ZBBX: variants seen among roughly 807,000 people sequenced by gnomAD.
ZBBX encodes zinc finger B-box domain containing.
In ZBBX, 101 loss-of-function variants were observed where a neutral mutation model predicts 108.5. The observed-to-expected ratio is 0.93, with a 90% CI of 0.79 to 1.10. ZBBX has a LOEUF of 1.10. Ranked by LOEUF, ZBBX falls within the 50% of genes least tolerant of loss-of-function variation. ZBBX has a pLI of 0.00. For synonymous variants in ZBBX, 356 were observed against 323.4 expected (o/e 1.10, Z -1.08); for missense variants, 1,009 against 941.4 (o/e 1.07, Z -0.94).
rs748896999 is a variant in ZBBX at position 167,282,325 on chromosome 3, G to A, written c.2167C>T (p.Gln723Ter). ...SEIEYIDITD[Q>*]NELSLDDTTD... ...GTGTCATCTAAGGAAAGCTCATTCT[G>A]GTCAGTAATATCAATATATTCAATT... is the stretch of plus-strand genomic sequence containing the variant. The change falls in exon 20 of 22, where the codon CAG becomes TAG. Residue 723 changes from glutamine to a stop codon, truncating the protein, a stop_gained. Transcript: ENST00000675490. LOFTEE classifies it high-confidence loss of function. The A allele has an allele frequency of 6.2e-7, 1 of 1,613,846 alleles. No individual in the cohort carries two copies. Among genetic ancestry groups the A allele is most frequent in the South Asian group, 1.1e-5 (1 of 91,068 alleles).
At chr3:167,273,962 T>A (rs1375979482) in intron 20 of ZBBX, among the ~76,000 whole-genome samples, 2 of 152,188 alleles carry the variant, frequency 1.3e-5, no homozygotes, top group Admixed American at 1.3e-4. Context: ...TAATCAGCAA[T>A]GATTTATTAA....
chr3:167,242,710 C>T (rs1020759360), intron 20 of ZBBX, 67 bp from the exon 21 acceptor site: 3 of 1,406,870 alleles, frequency 2.1e-6, no homozygotes, highest in African/African-American at 2.9e-5. Flanking sequence ...GCATATGGTG[C>T]TGAATGTTTA....
chr3:167,339,432 A>C (rs1397002259), intron 9 of ZBBX, among the ~76,000 whole-genome samples: 46 of 152,192 alleles, frequency 3.0e-4, no homozygotes. Flanking sequence ...TTTGGTAAAA[A>C]TAATCTCTCT....
At chr3:167,231,840 T>G in the ZBBX span, among the ~76,000 whole-genome samples, 1 of 151,834 alleles carries the variant, frequency 6.6e-6, no homozygotes, top group Admixed American at 6.6e-5. Flanking sequence ...CTTTGTACAG[T>G]TGGAATTCCA....
chr3:167,367,455 C>T (rs766363050), intron 5 of ZBBX, among the ~76,000 whole-genome samples: 3 of 151,548 alleles, frequency 2.0e-5, no homozygotes, highest in Non-Finnish European at 4.4e-5. Context: ...AAAAATACTA[C>T]GTAGCCACTA....
rs200693691 is a variant in ZBBX at position 167,240,881 on chromosome 3, G to C, written c.2432C>G (p.Ser811Ter). The C allele has an allele frequency of 1.1e-4, 181 of 1,613,462 alleles. No individual in the cohort carries two copies. In the African/African-American group the frequency reaches 2.1e-3, roughly 19 times the overall value. The change falls in exon 22 of 22, where the codon TCA becomes TGA. Residue 811 changes from serine (S) to a stop codon, truncating the protein, a stop_gained. Transcript: ENST00000675490. LOFTEE classifies it high-confidence loss of function. ...CTCATCTGTACTGCTCTCAGAAAGT[G>C]ACAGCAAAGACTGAATTTTGGTATC... ...GRDTKIQSLL[S>*]LSESSTDEEE...
intron 20 of ZBBX, 27 bp downstream of exon 20, chr3:167,282,211 C>G: frequency 1.9e-6 from 3 of 1,589,206 alleles, no homozygotes; most frequent in Non-Finnish European, 1.7e-6. Context: ...TTAGCATTAT[C>G]TAAAGTGAAA....
Position 167,282,429 on chromosome 3 carries a change from C to T in ZBBX, c.2063G>A (p.Ser688Asn), listed in dbSNP as rs763636369. The change falls in exon 20 of 22, where the codon AGT (serine) becomes AAT (asparagine). Residue 688 changes from serine to asparagine, a missense_variant. Ser to Asn is a conservative substitution (Grantham distance 46). Coordinates refer to ENST00000675490, the MANE Select transcript of ZBBX (RefSeq NM_001199201.2). ...PLSNSVKESS[S>N]CLSSSHPRSR... Reference sequence around the variant, plus strand: ...TCGAGGATGAGAGGATGAAAGGCAACTGGAGCTTTCTTTAACAGAGTTGGA... The same window carrying T: ...TCGAGGATGAGAGGATGAAAGGCAATTGGAGCTTTCTTTAACAGAGTTGGA... 4.3e-6 allele frequency: 7 copies of T among 1,613,904 alleles called. No homozygotes were observed. In the Admixed American group the frequency reaches 6.7e-5, roughly 15 times the overall value.
At chr3:167,216,214 A>C in the ZBBX span, among the ~76,000 whole-genome samples, 1 of 152,146 alleles carries the variant, frequency 6.6e-6, no homozygotes, top group Non-Finnish European at 1.5e-5. Context: ...TGATTCTTCT[A>C]TATCTAGAAA....
chr3:167,270,816 T>G (rs1726391516), intron 20 of ZBBX, among the ~76,000 whole-genome samples: 1 of 152,330 alleles, frequency 6.6e-6, no homozygotes, highest in South Asian at 2.1e-4. Context: ...AAAAGATGAT[T>G]TAACCTTAAC....
chr3:167,281,949 AG>A (rs1260702234), intron 20 of ZBBX, among the ~76,000 whole-genome samples: 1 of 152,204 alleles, frequency 6.6e-6, no homozygotes, highest in Admixed American at 6.5e-5. Context: ...TGCAGAAAGG[AG>A]AAAAAAAGAT....
In ZBBX at chr3:167,390,828, T is replaced by C. The variant is rs552784976; in HGVS notation, c.-445-10423A>G. ...ATAGAATGCTTGTGATTTTTGCACA[T>C]TGATTTTGCATCCTGAGACTTTGCT... is the stretch of plus-strand genomic sequence containing the variant. On this transcript the variant is annotated intron_variant, in intron 1 of 21. Coordinates refer to the ZBBX transcript ENST00000455345. Among the ~76,000 whole-genome samples the C allele has an allele frequency of 8.5e-5, 13 of 152,298 alleles. No individual in the cohort carries two copies. In the East Asian group the frequency reaches 2.5e-3, roughly 29 times the overall value.
chr3:167,277,859 C>T (rs994545229), intron 20 of ZBBX, among the ~76,000 whole-genome samples: 1 of 152,086 alleles, frequency 6.6e-6, no homozygotes, highest in Non-Finnish European at 1.5e-5. Flanking sequence ...GTAAAGCTCT[C>T]CTCAGCAAAT....
At chr3:167,245,454 C>A in intron 20 of ZBBX, among the ~76,000 whole-genome samples, 1 of 152,112 alleles carries the variant, frequency 6.6e-6, no homozygotes, top group Admixed American at 6.5e-5. Context: ...TTTTCCTATT[C>A]TCTCCATGCT....
At chr3:167,356,369 T>A (rs934659255) in intron 8 of ZBBX, among the ~76,000 whole-genome samples, 1 of 152,092 alleles carries the variant, frequency 6.6e-6, no homozygotes, top group Non-Finnish European at 1.5e-5. Flanking sequence ...ATATTGTTAT[T>A]AGCTCTTTAT....
intron 4 of ZBBX, among the ~76,000 whole-genome samples, chr3:167,369,251 T>A (rs1483085331): frequency 6.6e-6 from 1 of 152,236 alleles, no homozygotes; most frequent in Non-Finnish European, 1.5e-5. Context: ...TAACCCAAAC[T>A]AATTCTCTAG....
At chr3:167,263,811 G>A (rs1725007064) in intron 20 of ZBBX, among the ~76,000 whole-genome samples, 1 of 152,182 alleles carries the variant, frequency 6.6e-6, no homozygotes, top group South Asian at 2.1e-4. Context: ...GCAGAAAGTG[G>A]AGTGTTGAAG....
chr3:167,214,545 G>T, the ZBBX span, among the ~76,000 whole-genome samples: 5 of 152,132 alleles, frequency 3.3e-5, no homozygotes, highest in Non-Finnish European at 4.4e-5. Context: ...AATAGTGTGA[G>T]ACTTCAATAT....
chr3:167,199,363 T>C, the ZBBX span, among the ~76,000 whole-genome samples: 4 of 152,170 alleles, frequency 2.6e-5, no homozygotes, highest in East Asian at 7.7e-4. Context: ...GGGAATACTT[T>C]AGGCAGTGAG....
Sources: allele counts gnomAD v4.1 joint callset (sites outside exome capture counted in the v4.1 genomes callset), GRCh38; gene constraint gnomAD v4.1.1; transcripts MANE v1.5; gene names NCBI Gene and HGNC (gene_info 2026-07-23, HGNC 2026-07-21).